CLIP1: variants seen among roughly 807,000 people sequenced by gnomAD.
CLIP1 encodes CAP-Gly domain containing linker protein 1.
CLIP1 carries 66 observed loss-of-function variants against 161.6 expected under a neutral mutation model. The ratio of observed to expected loss-of-function variants is 0.41; its 90% confidence interval spans 0.33 to 0.50. The LOEUF (loss-of-function observed/expected upper bound fraction) is 0.50, where lower values mean the gene tolerates loss of function less well. Among genes scored for constraint, CLIP1 ranks in the 20% least tolerant of loss-of-function variants. The pLI is 0.27. For synonymous variants in CLIP1, 598 were observed against 626.2 expected (o/e 0.96, Z 0.67); for missense variants, 1,376 against 1,702.0 (o/e 0.81, Z 3.37).
intron 21 of CLIP1, among the ~76,000 whole-genome samples, chr12:122,286,213 C>A (rs1955845008): frequency 6.6e-6 from 1 of 151,994 alleles, no homozygotes; most frequent in Non-Finnish European, 1.5e-5. Flanking sequence ...TAAATAAAAA[C>A]CGCACATTTT....
At chr12:122,352,602 GA>G in intron 8 of CLIP1, 123 bp downstream of exon 8, 1 of 866,902 alleles carries the variant, frequency 1.2e-6, no homozygotes, top group Non-Finnish European at 1.9e-6. Context: ...GCCACCCCCA[GA>G]ACCTTCCCCC....
chr12:122,341,124 C>T lies in CLIP1; in HGVS notation c.2080G>A (p.Ala694Thr), dbSNP rs150986975. ...ERAAHAKEME[A>T]LRAKLMKVIK... ...ACTTTCATCAGTTTAGCCCTCAAGG[C>T]TTCCATCTCTTTAGCATGGGCAGCC... Residue 694 changes from alanine (A) to threonine (T), a missense_variant, in exon 11 of 26, where the codon GCC (alanine) becomes ACC (threonine). Ala to Thr is a moderately conservative substitution (Grantham distance 58). Around this residue, in one of 6 missense-constraint regions of CLIP1, gnomAD observed 948 missense variants for 1,134.8 expected, o/e 0.84. Coordinates refer to ENST00000620786, the MANE Select transcript of CLIP1 (RefSeq NM_001247997.2). The T allele has an allele frequency of 8.7e-5, 141 of 1,614,136 alleles. No individual in the cohort carries two copies. In the African/African-American group the frequency reaches 1.5e-3, roughly 18 times the overall value.
At chr12:122,356,424 G>A (rs1350979117) in intron 5 of CLIP1, among the ~76,000 whole-genome samples, 3 of 152,150 alleles carry the variant, frequency 2.0e-5, no homozygotes, top group African/African-American at 7.2e-5. Context: ...TTTCAAAGCT[G>A]GGTTTTGGCT....
At chr12:122,301,519 C>T (rs1048577405) in intron 20 of CLIP1, among the ~76,000 whole-genome samples, 1 of 152,112 alleles carries the variant, frequency 6.6e-6, no homozygotes, top group Non-Finnish European at 1.5e-5. Flanking sequence ...ACTAAAAATA[C>T]AAAAATTAGC....
chr12:122,341,075 A>C lies in CLIP1; in HGVS notation c.2129T>G (p.Leu710Arg). The change falls in exon 11 of 26, where the codon CTG (leucine) becomes CGG (arginine). Residue 710 changes from leucine to arginine, a missense_variant. Transcript: ENST00000620786. ...GTCCAGTTTCGACCTGATGGCTTCCAGACTGTTTTCCTTTTCTTTAATAAC... is the reference window on the plus strand; with the variant it reads ...GTCCAGTTTCGACCTGATGGCTTCCCGACTGTTTTCCTTTTCTTTAATAAC... Reference protein sequence around the residue: ...MKVIKEKENSLEAIRSKLDKA... With the variant: ...MKVIKEKENSREAIRSKLDKA... The C allele has an allele frequency of 6.2e-7, 1 of 1,613,900 alleles. No individual in the cohort carries two copies. The highest frequency in any genetic ancestry group is 1.6e-4 in the Middle Eastern group (1 of 6,062).
chr12:122,331,696 C>G (rs965038202), intron 15 of CLIP1, among the ~76,000 whole-genome samples: 10 of 152,084 alleles, frequency 6.6e-5, no homozygotes, highest in African/African-American at 2.4e-4. Flanking sequence ...TATGTGTTTC[C>G]TATTAAAATA....
chr12:122,339,108 G>T (rs546254358), intron 11 of CLIP1, among the ~76,000 whole-genome samples: 202 of 152,272 alleles, frequency 1.3e-3, no homozygotes, highest in Non-Finnish European at 2.5e-3. Flanking sequence ...TAAAGATAAA[G>T]ATGACATTTA....
chr12:122,398,714 A>AT (rs897991396), intron 1 of CLIP1, among the ~76,000 whole-genome samples: 4 of 151,152 alleles, frequency 2.6e-5, no homozygotes, highest in Non-Finnish European at 3.0e-5. Flanking sequence ...AAAAAAAAAA[A>AT]TTTTTTTTAA....
In CLIP1 at chr12:122,272,749, C is replaced by T; in HGVS notation, c.*126G>A. The stretch of plus-strand genomic sequence containing the variant: ...AATTTGTTGAAGATCAAAATATTTT[C>T]CTAGATTTGTTGACGGGGTTAAAAA... On this transcript the variant is annotated 3_prime_UTR_variant, in exon 26 of 26. Transcript: ENST00000620786. 2 of 764,054 alleles carry T rather than the reference C, an allele frequency of 2.6e-6. No individual in the cohort carries two copies. The highest frequency in any genetic ancestry group is 1.7e-5 in the African/African-American group (1 of 57,578). The allele number at this position is 764,054 out of a possible 1,614,324, so 47.3% of individuals were successfully genotyped here. A position where few individuals can be genotyped will look rare whatever the true frequency, so the allele number is the denominator to read the frequency against.
chr12:122,410,701 T>A lies in CLIP1; in HGVS notation c.-107+11820A>T, dbSNP rs558842729. On this transcript the variant is annotated intron_variant, in intron 1 of 25. Transcript: ENST00000620786. ...CTCGAACTCCTGACCTCAAGTGATC[T>A]GCCCACCTCAGCCTCCCAAAGTGCT... Among the ~76,000 whole-genome samples the A allele has an allele frequency of 1.2e-4, 18 of 151,720 alleles. No individual in the cohort carries two copies. The East Asian group carries it at 3.5e-3, about 30-fold the overall frequency.
chr12:122,334,113 AT>A lies in CLIP1; in HGVS notation c.2627-4del. On this transcript the variant is annotated splice_region_variant and splice_polypyrimidine_tract_variant and intron_variant, in intron 13 of 25. Transcript: ENST00000620786. ...TTGGTGTAACTTATTTACAGTTTCT[AT>A]TTAGGATAAAAGTTAGAAGTTTAAT... 6.3e-7 allele frequency: 1 copy of A among 1,587,110 alleles called. No homozygotes were observed.
rs183825327 is a variant in CLIP1, at chr12:122,362,928, A to G, written c.782+1055T>C. ...ATGGCTTCATAATCATTGCAGTTCC[A>G]AGAGAGCTTTATCTCTATGAGTCAT... On this transcript the variant is annotated intron_variant, in intron 4 of 25. Transcript: ENST00000620786. 3.7e-4 allele frequency among the ~76,000 whole-genome samples: 57 copies of G among 152,254 alleles called. No individual in the cohort carries two copies. In the Middle Eastern group the frequency reaches 0.017, roughly 45 times the overall value.
intron 20 of CLIP1, among the ~76,000 whole-genome samples, 187 bp from the exon 21 acceptor site, chr12:122,288,728 G>A (rs1050101604): frequency 3.3e-5 from 5 of 150,862 alleles, no homozygotes; most frequent in Admixed American, 3.3e-4. Context: ...AATCACTTAC[G>A]ACCTCAGTAA....
intron 17 of CLIP1, among the ~76,000 whole-genome samples, chr12:122,325,463 A>G (rs1431963346): frequency 6.6e-6 from 1 of 151,890 alleles, no homozygotes; most frequent in Non-Finnish European, 1.5e-5. Context: ...ATTAAAATGT[A>G]ACAAATTTAA....
intron 23 of CLIP1, 97 bp downstream of exon 23, chr12:122,278,695 G>A (rs1955528678): frequency 1.6e-6 from 2 of 1,288,726 alleles, no homozygotes; most frequent in Admixed American, 4.8e-5. Context: ...CAGGGTCAGG[G>A]CAGCATGAGA....
chr12:122,349,788 A>G (rs898832694), intron 9 of CLIP1, among the ~76,000 whole-genome samples: 1 of 152,250 alleles, frequency 6.6e-6, no homozygotes, highest in Admixed American at 6.5e-5. Flanking sequence ...GGGCAGCGGG[A>G]GCCTGTTTCG....
chr12:122,289,878 G>A (rs981982034), intron 20 of CLIP1, among the ~76,000 whole-genome samples: 3 of 150,372 alleles, frequency 2.0e-5, no homozygotes, highest in South Asian at 2.1e-4. Flanking sequence ...GTGCAATCTC[G>A]GCTCACTGCA....
intron 12 of CLIP1, among the ~76,000 whole-genome samples, chr12:122,335,126 C>A (rs1394296853): frequency 6.6e-6 from 1 of 152,186 alleles, no homozygotes; most frequent in Non-Finnish European, 1.5e-5. Flanking sequence ...AATCTAATAT[C>A]TTGAATCTAG....
At chr12:122,360,410 CAAAA>C (rs34294939) in intron 5 of CLIP1, among the ~76,000 whole-genome samples, 1 of 87,346 alleles carries the variant, frequency 1.1e-5, no homozygotes, top group Middle Eastern at 5.7e-3. Flanking sequence ...CCTCTCTCTA[CAAAA>C]AAAAAAAAAA....
Sources: allele counts gnomAD v4.1 joint callset (sites outside exome capture counted in the v4.1 genomes callset), GRCh38; gene constraint gnomAD v4.1.1; regional missense constraint gnomAD v4.1.1; transcripts MANE v1.5; gene names NCBI Gene and HGNC (gene_info 2026-07-23, HGNC 2026-07-21).